The following AHCY variants were observed in gnomAD, a reference collection of about 807,000 sequenced individuals.
AHCY encodes S-adenosyl-L-homocysteine hydrolase.
In AHCY, 24 loss-of-function variants were observed where a neutral mutation model predicts 45.4. The observed-to-expected ratio is 0.53, with a 90% confidence interval of 0.38 to 0.74. AHCY has a LOEUF of 0.74. Among genes scored for constraint, AHCY ranks in the 30% least tolerant of loss-of-function variants. AHCY has a pLI of 0.00. For missense variants in AHCY, 449 were observed against 594.1 expected, an observed-to-expected ratio of 0.76 and a Z score of 2.54; for synonymous variants, 245 against 235.1, an observed-to-expected ratio of 1.04 and a Z score of -0.39.
chr20:34,306,045 G>A (rs961827930), upstream of AHCY, among the ~76,000 whole-genome samples: 6 of 136,220 alleles, frequency 4.4e-5, no homozygotes, highest in African/African-American at 1.4e-4. Context: ...TTGCGCCACC[G>A]CACTCCAGCC....
chr20:34,236,443 T>C, the AHCY span, among the ~76,000 whole-genome samples: 2 of 151,094 alleles, frequency 1.3e-5, no homozygotes, highest in African/African-American at 2.4e-5. Flanking sequence ...ACTTGGGAGG[T>C]TGAGGCAGAA....
chr20:34,269,428 C>T, the AHCY span: 5 of 464,708 alleles, frequency 1.1e-5, no homozygotes, highest in East Asian at 1.9e-4. Context: ...TCCCGGGGCT[C>T]AGGAAACCCG....
intron 1 of AHCY, among the ~76,000 whole-genome samples, chr20:34,298,364 T>C (rs991162725): frequency 2.0e-5 from 3 of 152,056 alleles, no homozygotes; most frequent in African/African-American, 4.8e-5. Context: ...TCTATAATCA[T>C]AGCCTAGGAA....
intron 1 of AHCY, among the ~76,000 whole-genome samples, chr20:34,296,938 C>G (rs2036594421): frequency 6.6e-6 from 1 of 152,172 alleles, no homozygotes; most frequent in Admixed American, 6.5e-5. Flanking sequence ...AGAGACCACT[C>G]CGGCTGTGCC....
the AHCY span, among the ~76,000 whole-genome samples, chr20:34,247,417 C>T: frequency 6.6e-6 from 1 of 151,372 alleles, no homozygotes; most frequent in Non-Finnish European, 1.5e-5. Context: ...TCTCCTGCCT[C>T]AGCCTCCCGA....
chr20:34,269,018 C>T, the AHCY span: 1 of 1,607,652 alleles, frequency 6.2e-7, no homozygotes, highest in Non-Finnish European at 8.5e-7. Context: ...GAAAGTGGTG[C>T]GGCCCCGGAC....
chr20:34,254,127 A>G, the AHCY span, among the ~76,000 whole-genome samples: 1 of 152,088 alleles, frequency 6.6e-6, no homozygotes, highest in African/African-American at 2.4e-5. Flanking sequence ...CAGTGGCACA[A>G]TCTTTGCTCA....
the AHCY span, among the ~76,000 whole-genome samples, chr20:34,264,448 T>A: frequency 6.6e-6 from 1 of 152,218 alleles, no homozygotes; most frequent in Non-Finnish European, 1.5e-5. Context: ...TATTTTTCAA[T>A]GTGTTTAATG....
chr20:34,291,533 TAA>T lies in AHCY; in HGVS notation c.446-4_446-3del. 1 of 1,613,254 alleles carries T rather than the reference TAA, an allele frequency of 6.2e-7. No homozygotes were observed. Among genetic ancestry groups the T allele is most frequent in the Non-Finnish European group, 8.5e-7 (1 of 1,179,252 alleles). On this transcript the variant is annotated splice_region_variant and splice_polypyrimidine_tract_variant and intron_variant, in intron 4 of 9. Coordinates refer to ENST00000217426, the MANE Select transcript of AHCY (RefSeq NM_000687.4). ...TCTCCTCAGAGATGCCTCGGATGCC[TAA>T]ACAAGAGGGGACAGGACAAGCCTCA...
At position 34,290,343 on chromosome 20, in the gene AHCY, T is replaced by C. The variant is rs775890191; in HGVS notation, c.961A>G (p.Ile321Val). The change falls in exon 8 of 10, where the codon ATC becomes GTC. Residue 321 changes from isoleucine to valine, a missense_variant. By Grantham distance (29) the Ile-to-Val change is conservative. Transcript: ENST00000217426. The surrounding 1 kb of genome is among the most constrained non-coding windows in gnomAD (Gnocchi z 4.5). ...LNENAVEKVN[I>V]KPQVDRYRLK... ...CGGGAGCTTCTCACCTGCGGCTTGA[T>C]GTTCACCTTCTCCACGGCGTTCTCG... 1 of 1,614,134 alleles carries C rather than the reference T, an allele frequency of 6.2e-7. No individual in the cohort carries two copies. The highest frequency in any genetic ancestry group is 1.1e-5 in the South Asian group (1 of 91,088).
At chr20:34,241,885 T>G in the AHCY span, among the ~76,000 whole-genome samples, 1 of 152,232 alleles carries the variant, frequency 6.6e-6, no homozygotes, top group African/African-American at 2.4e-5. Flanking sequence ...AATTTAGGAT[T>G]TAGGGATCAG....
At chr20:34,265,719 G>A in the AHCY span, among the ~76,000 whole-genome samples, 1 of 152,088 alleles carries the variant, frequency 6.6e-6, no homozygotes, top group Admixed American at 6.6e-5. Flanking sequence ...GGAGGCCAAG[G>A]AGGGTGGATC....
the AHCY span, among the ~76,000 whole-genome samples, chr20:34,239,408 G>A: frequency 6.6e-6 from 1 of 151,924 alleles, no homozygotes; most frequent in African/African-American, 2.4e-5. Context: ...GTAGAGACGG[G>A]GTATCACCAT....
rs376470967 is a variant in AHCY at position 34,291,502 on chromosome 20, T to C, written c.475A>G (p.Thr159Ala). ...ATCTTGTAGAGGTTGTGGACCCCAG[T>C]CGTGGTCTCCTCAGAGATGCCTCGG... ...GIRGISEETT[T>A]GVHNLYKMMA... The change falls in exon 5 of 10, where the codon ACT (threonine) becomes GCT (alanine). Residue 159 changes from threonine to alanine, a missense_variant. By Grantham distance (58) the Thr-to-Ala change is moderately conservative (BLOSUM62 0). Transcript: ENST00000217426. The C allele has an allele frequency of 1.2e-6, 2 of 1,614,042 alleles. No homozygotes were observed. The highest frequency in any genetic ancestry group is 2.7e-5 in the African/African-American group (2 of 74,922).
intron 8 of AHCY, among the ~76,000 whole-genome samples, chr20:34,288,974 T>C (rs1359388712): frequency 3.9e-5 from 6 of 152,176 alleles, no homozygotes; most frequent in African/African-American, 1.4e-4. Context: ...CCTCACACAG[T>C]GATTCAAGCT....
chr20:34,240,084 A>G, the AHCY span, among the ~76,000 whole-genome samples: 2 of 152,218 alleles, frequency 1.3e-5, no homozygotes, highest in Non-Finnish European at 2.9e-5. Flanking sequence ...GAGTTTTATT[A>G]GAGAAATGTT....
At chr20:34,291,391 C>T (rs370964048) in intron 5 of AHCY, 28 bp downstream of exon 5, 24 of 1,589,066 alleles carry the variant, frequency 1.5e-5, no homozygotes, top group African/African-American at 6.7e-5. Flanking sequence ...GCCACTGTAG[C>T]GGGAGCTGTC....
At chr20:34,299,057 G>A (rs56718957) in intron 1 of AHCY, among the ~76,000 whole-genome samples, 17,227 of 152,008 alleles carry the variant, frequency 0.11, 3,309 homozygotes, top group African/African-American at 0.39. Flanking sequence ...GGCCACTACC[G>A]GTCTCCGCGC....
the AHCY span, among the ~76,000 whole-genome samples, chr20:34,267,736 G>A: frequency 6.6e-6 from 1 of 151,494 alleles, no homozygotes; most frequent in Non-Finnish European, 1.5e-5. Context: ...TCTCCATGTC[G>A]GTCGGGCTGG....
Sources: allele counts gnomAD v4.1 joint callset (sites outside exome capture counted in the v4.1 genomes callset), GRCh38; gene constraint gnomAD v4.1.1; non-coding constraint Gnocchi (gnomAD v3.1); transcripts MANE v1.5; gene names NCBI Gene and HGNC (gene_info 2026-07-23, HGNC 2026-07-21).